The following SLC10A7 variants were observed in gnomAD, a reference collection of about 807,000 sequenced individuals.
The protein encoded by SLC10A7 is solute carrier family 10 member 7, also known as sodium/bile acid cotransporter 7.
In SLC10A7, 29 loss-of-function variants were observed where a neutral mutation model predicts 43.2. That is an observed-to-expected ratio of 0.67 (90% CI 0.50 to 0.92). The LOEUF (loss-of-function observed/expected upper bound fraction) is 0.92, where lower values mean the gene tolerates loss of function less well. Among genes scored for constraint, SLC10A7 ranks in the 40% least tolerant of loss-of-function variants. The pLI is 0.00. For missense variants in SLC10A7, 295 were observed against 403.2 expected, an observed-to-expected ratio of 0.73 and a Z score of 2.30; for synonymous variants, 152 against 144.8, an observed-to-expected ratio of 1.05 and a Z score of -0.35.
chr4:146,384,336 A>C (rs1009038823), intron 5 of SLC10A7, among the ~76,000 whole-genome samples: 8 of 152,172 alleles, frequency 5.3e-5, no homozygotes, highest in African/African-American at 1.9e-4. Flanking sequence ...GATGACAAAA[A>C]CATCATATGG....
chr4:146,445,251 C>G (rs1005310977), intron 4 of SLC10A7, among the ~76,000 whole-genome samples: 1 of 152,148 alleles, frequency 6.6e-6, no homozygotes, highest in African/African-American at 2.4e-5. Context: ...TGGTCATCAT[C>G]CTTCTGAGAT....
At chr4:146,460,830 T>C (rs959093710) in intron 4 of SLC10A7, among the ~76,000 whole-genome samples, 2 of 151,968 alleles carry the variant, frequency 1.3e-5, no homozygotes, top group Admixed American at 1.3e-4. Flanking sequence ...AAAATCTCAG[T>C]TTTTAGATCA....
chr4:146,371,109 AT>A (rs1217297648), intron 5 of SLC10A7, among the ~76,000 whole-genome samples: 6 of 152,234 alleles, frequency 3.9e-5, no homozygotes, highest in African/African-American at 1.4e-4. Flanking sequence ...CCCACAGGGA[AT>A]TCACAACTCA....
chr4:146,442,254 T>C, intron 5 of SLC10A7: 1 of 934,802 alleles, frequency 1.1e-6, no homozygotes, highest in Non-Finnish European at 1.3e-6. Context: ...TATATATATA[T>C]AGATACAACA....
At chr4:146,347,308 C>T (rs1350119779) in intron 5 of SLC10A7, among the ~76,000 whole-genome samples, 4 of 152,152 alleles carry the variant, frequency 2.6e-5, no homozygotes, top group Admixed American at 2.0e-4. Flanking sequence ...GAAAAGATAA[C>T]CAGTTATATC....
chr4:146,471,393 T>C (rs1250130043), intron 4 of SLC10A7, among the ~76,000 whole-genome samples: 1 of 152,194 alleles, frequency 6.6e-6, no homozygotes, highest in African/African-American at 2.4e-5. Context: ...GAAGTATGGC[T>C]TATTATAAAA....
chr4:146,491,697 AAG>A (rs1735446029), intron 4 of SLC10A7, among the ~76,000 whole-genome samples: 1 of 128,040 alleles, frequency 7.8e-6, no homozygotes, highest in Non-Finnish European at 1.8e-5. Context: ...GGAAGGAAGG[AAG>A]GAAGGAAGGA....
intron 10 of SLC10A7, among the ~76,000 whole-genome samples, chr4:146,262,557 C>T (rs1728295626): frequency 3.3e-5 from 5 of 152,228 alleles, no homozygotes; most frequent in African/African-American, 1.2e-4. Flanking sequence ...TAACGCACCA[C>T]TCTTTTGTCC....
intron 5 of SLC10A7, among the ~76,000 whole-genome samples, chr4:146,376,521 G>A (rs1737213110): frequency 6.6e-6 from 1 of 152,064 alleles, no homozygotes; most frequent in Non-Finnish European, 1.5e-5. Flanking sequence ...AAGGAGAGAG[G>A]AGGCATCTTA....
intron 5 of SLC10A7, among the ~76,000 whole-genome samples, chr4:146,329,525 G>A (rs898691683): frequency 6.6e-6 from 1 of 152,184 alleles, no homozygotes; most frequent in Non-Finnish European, 1.5e-5. Flanking sequence ...ACTGAGTGAA[G>A]TAGGAAGAAG....
At chr4:146,386,209 GA>G (rs1013949764) in intron 5 of SLC10A7, among the ~76,000 whole-genome samples, 1 of 152,186 alleles carries the variant, frequency 6.6e-6, no homozygotes, top group African/African-American at 2.4e-5. Context: ...CAGTGTTTAA[GA>G]ATTCCTTTTT....
intron 5 of SLC10A7, among the ~76,000 whole-genome samples, chr4:146,420,158 C>G (rs1017105219): frequency 4.6e-5 from 7 of 152,124 alleles, no homozygotes; most frequent in Non-Finnish European, 1.0e-4. Context: ...ACTTAACACC[C>G]ATGTGTTCTT....
intron 10 of SLC10A7, among the ~76,000 whole-genome samples, chr4:146,281,350 T>C (rs1483219334): frequency 6.9e-6 from 1 of 145,388 alleles, no homozygotes; most frequent in Non-Finnish European, 1.5e-5. Context: ...CTGGTTTTCC[T>C]GACAAAAGCA....
At chr4:146,485,130 TC>T (rs1456363517) in intron 4 of SLC10A7, among the ~76,000 whole-genome samples, 1 of 152,148 alleles carries the variant, frequency 6.6e-6, no homozygotes. Flanking sequence ...CAAACCAACT[TC>T]CTATTGTGTC....
chr4:146,497,753 C>CATGT (rs1736023886), intron 4 of SLC10A7, among the ~76,000 whole-genome samples: 1 of 152,118 alleles, frequency 6.6e-6, no homozygotes, highest in Admixed American at 6.5e-5. Context: ...ACATAACTCC[C>CATGT]TCTCCAAACA....
intron 5 of SLC10A7, among the ~76,000 whole-genome samples, chr4:146,346,763 G>A (rs1354597881): frequency 6.6e-6 from 1 of 151,996 alleles, no homozygotes; most frequent in Non-Finnish European, 1.5e-5. Flanking sequence ...AAAGATCCAG[G>A]AAACCTATAA....
intron 5 of SLC10A7, among the ~76,000 whole-genome samples, chr4:146,355,937 C>T (rs562666332): frequency 6.9e-4 from 103 of 150,230 alleles, no homozygotes; most frequent in African/African-American, 2.3e-3. Context: ...ATACCTAATG[C>T]TAGATGACGC....
At chr4:146,303,170 GC>G (rs1204456104) in intron 7 of SLC10A7, among the ~76,000 whole-genome samples, 1 of 152,010 alleles carries the variant, frequency 6.6e-6, no homozygotes, top group Non-Finnish European at 1.5e-5. Flanking sequence ...GGTCATTCCG[GC>G]TCCAGAGTTC....
Position 146,509,890 on chromosome 4 carries a change from C to T in SLC10A7, c.320+23G>A, listed in dbSNP as rs748824972. 2.0e-5 allele frequency: 32 copies of T among 1,601,196 alleles called. No homozygotes were observed. The South Asian group carries it at 2.4e-4, about 12-fold the overall frequency. Reference sequence around the variant, plus strand: ...AGAGATGCCCCATTAAAAGTGGACCCACTTTTAAAGATTTAAACATACCCT... The same window carrying T: ...AGAGATGCCCCATTAAAAGTGGACCTACTTTTAAAGATTTAAACATACCCT... On this transcript the variant is annotated intron_variant, in intron 3 of 11. Coordinates refer to ENST00000335472, the MANE Select transcript of SLC10A7 (RefSeq NM_001029998.6).
Sources: gnomAD v4.1 joint callset for allele counts (sites outside exome capture counted in the v4.1 genomes callset) on GRCh38, gnomAD v4.1.1 for gene constraint, MANE v1.5 for transcripts, NCBI Gene and HGNC (gene_info 2026-07-23, HGNC 2026-07-21) for gene names.